SGPP2: variants seen among roughly 807,000 people sequenced by gnomAD.
SGPP2 encodes sphingosine-1-phosphate phosphatase 2.
SGPP2 carries 30 observed loss-of-function variants against 33.9 expected under a neutral mutation model. That is an observed-to-expected ratio of 0.89 (90% CI 0.66 to 1.20). The LOEUF is 1.20. Among genes scored for constraint, SGPP2 ranks in the 50% most tolerant of loss-of-function variants. The pLI, the probability that SGPP2 is intolerant of heterozygous loss-of-function variation, is 0.00. For missense variants in SGPP2, 458 were observed against 532.1 expected, an observed-to-expected ratio of 0.86 and a Z score of 1.37; for synonymous variants, 233 against 225.0, an observed-to-expected ratio of 1.04 and a Z score of -0.32.
intron 1 of SGPP2, among the ~76,000 whole-genome samples, chr2:222,462,522 G>C (rs1253547555): frequency 6.6e-6 from 1 of 152,144 alleles, no homozygotes; most frequent in Non-Finnish European, 1.5e-5. Flanking sequence ...ATCTAGACAG[G>C]TAAAAAGCTA....
chr2:222,520,343 A>G (rs1698664536), intron 2 of SGPP2, among the ~76,000 whole-genome samples: 1 of 151,942 alleles, frequency 6.6e-6, no homozygotes, highest in Admixed American at 6.6e-5. Flanking sequence ...GAACATGTTC[A>G]TGTACATCAA....
chr2:222,493,765 T>G (rs1488333006), intron 2 of SGPP2, among the ~76,000 whole-genome samples: 1 of 152,226 alleles, frequency 6.6e-6, no homozygotes, highest in Non-Finnish European at 1.5e-5. Context: ...TCTTTTTACT[T>G]CATCGTACTG....
intron 1 of SGPP2, among the ~76,000 whole-genome samples, chr2:222,438,825 C>T (rs551261895): frequency 2.0e-5 from 3 of 152,098 alleles, no homozygotes; most frequent in African/African-American, 4.8e-5. Context: ...TCCAGGGATG[C>T]GATATTGGTT....
chr2:222,475,508 T>G (rs566137315), intron 2 of SGPP2, among the ~76,000 whole-genome samples: 1 of 152,284 alleles, frequency 6.6e-6, no homozygotes, highest in African/African-American at 2.4e-5. Context: ...AATCAGAAGC[T>G]GTTGAGCAAT....
chr2:222,555,189 T>C (rs776566438), intron 4 of SGPP2, among the ~76,000 whole-genome samples: 1 of 152,194 alleles, frequency 6.6e-6, no homozygotes, highest in Non-Finnish European at 1.5e-5. Flanking sequence ...GCATCAGTAG[T>C]GTGTTGCTTT....
At position 222,468,014 on chromosome 2, in the gene SGPP2, T is replaced by G. The variant is rs180925507; in HGVS notation, c.220-6554T>G. Among the ~76,000 whole-genome samples, 188 of 103,786 alleles carry G rather than the reference T, an allele frequency of 1.8e-3. 3 individuals carry two copies. The highest frequency in any genetic ancestry group is 6.0e-3 in the Admixed American group (46 of 7,698). 68.1% of individuals were successfully genotyped at this position (103,786 alleles called of 152,430 possible). A position where few individuals can be genotyped will look rare whatever the true frequency, so the allele number is the denominator to read the frequency against. ...CAGAGGAAGTAATACAACCTTGCAA[T>G]GACATTGGTCTACAGTTTATCAAAT... is the stretch of plus-strand genomic sequence containing the variant. On this transcript the variant is annotated intron_variant, in intron 1 of 4. Coordinates refer to ENST00000321276, the MANE Select transcript of SGPP2 (RefSeq NM_152386.4).
chr2:222,469,044 C>T (rs1375332657), intron 1 of SGPP2, among the ~76,000 whole-genome samples: 3 of 152,168 alleles, frequency 2.0e-5, no homozygotes, highest in Admixed American at 2.0e-4. Context: ...ATAAGAGCCT[C>T]TCATGAGGAA....
At chr2:222,492,765 T>C (rs1698217701) in intron 2 of SGPP2, among the ~76,000 whole-genome samples, 1 of 152,254 alleles carries the variant, frequency 6.6e-6, no homozygotes, top group African/African-American at 2.4e-5. Context: ...CAAACTTTTA[T>C]GCTCTGCTTC....
Position 222,465,775 on chromosome 2 carries a change from C to T in SGPP2, c.220-8793C>T, listed in dbSNP as rs1367004935. On this transcript the variant is annotated intron_variant, in intron 1 of 4. Transcript: ENST00000321276. This position sits in a 1 kb window ranked among gnomAD's most constrained non-coding sequence, Gnocchi z 4.1. ...ACGTCTGCTCTTGAGGTCATCTCCT[C>T]TCTGTCTCTTTCACACATATCCCAG... Among the ~76,000 whole-genome samples the T allele has an allele frequency of 2.6e-5, 4 of 152,154 alleles. No individual in the cohort carries two copies. The East Asian group carries it at 5.8e-4, about 22-fold the overall frequency.
intron 2 of SGPP2, among the ~76,000 whole-genome samples, chr2:222,510,353 C>T (rs1174714594): frequency 1.3e-5 from 2 of 152,170 alleles, no homozygotes; most frequent in Non-Finnish European, 2.9e-5. Flanking sequence ...AGGATAGGTA[C>T]GTACTGGTAG....
At chr2:222,441,374 A>G (rs1337542771) in intron 1 of SGPP2, among the ~76,000 whole-genome samples, 1 of 152,270 alleles carries the variant, frequency 6.6e-6, no homozygotes. Context: ...TACAAAGGGA[A>G]AAATTTAATC....
At chr2:222,433,626 C>T (rs1697191798) in intron 1 of SGPP2, among the ~76,000 whole-genome samples, 1 of 152,174 alleles carries the variant, frequency 6.6e-6, no homozygotes, top group Non-Finnish European at 1.5e-5. Flanking sequence ...CTGCCCTTTC[C>T]TGTCACAACA....
chr2:222,553,956 G>A (rs1689343212), intron 4 of SGPP2, among the ~76,000 whole-genome samples: 1 of 152,100 alleles, frequency 6.6e-6, no homozygotes, highest in African/African-American at 2.4e-5. Context: ...CAAACAGAAT[G>A]CCCTCAGAGC....
chr2:222,533,020 A>G (rs1188177948), intron 4 of SGPP2, among the ~76,000 whole-genome samples: 1 of 152,190 alleles, frequency 6.6e-6, no homozygotes, highest in Non-Finnish European at 1.5e-5. Context: ...TCATGGTGAA[A>G]GGCATTCTAT....
At chr2:222,462,874 G>A (rs1428182425) in intron 1 of SGPP2, among the ~76,000 whole-genome samples, 4 of 152,114 alleles carry the variant, frequency 2.6e-5, no homozygotes, top group African/African-American at 4.8e-5. Context: ...CACAAAGCAA[G>A]CAGGGTCGGA....
chr2:222,429,116 G>A (rs569482938), intron 1 of SGPP2, among the ~76,000 whole-genome samples: 10 of 152,148 alleles, frequency 6.6e-5, no homozygotes, highest in Admixed American at 3.9e-4. Flanking sequence ...TACCGCACCC[G>A]GCCAAGAACC....
At position 222,559,357 on chromosome 2, in the gene SGPP2, T is replaced by TG. The variant is rs201040084; in HGVS notation, c.*461dup. 6.5e-3 allele frequency: 1,064 copies of TG among 163,976 alleles called. 6 individuals are homozygous for TG. The highest frequency in any genetic ancestry group is 0.024 in the African/African-American group (1,007 of 41,758). The allele number at this position is 163,976 out of a possible 1,614,324, so 10.2% of individuals were successfully genotyped here. ...TTTTCCGTTACAACCTTGCCTAGCATGGAGTTATTTCTAAAATGGGAACTT... is the reference window on the plus strand; with the variant it reads ...TTTTCCGTTACAACCTTGCCTAGCATGGGAGTTATTTCTAAAATGGGAACTT... On this transcript the variant is annotated 3_prime_UTR_variant, in exon 5 of 5. Coordinates refer to ENST00000321276, the MANE Select transcript of SGPP2 (RefSeq NM_152386.4).
intron 2 of SGPP2, among the ~76,000 whole-genome samples, chr2:222,482,461 A>G (rs1345963426): frequency 2.0e-5 from 3 of 152,128 alleles, no homozygotes; most frequent in African/African-American, 7.2e-5. Context: ...TAGTGGCACA[A>G]TCATAGCTCA....
At position 222,483,567 on chromosome 2, in the gene SGPP2, G is replaced by C. The variant is rs544884972; in HGVS notation, c.378+8841G>C. Among the ~76,000 whole-genome samples the C allele has an allele frequency of 1.3e-4, 20 of 152,320 alleles. No individual in the cohort carries two copies. The East Asian group carries it at 3.7e-3, about 28-fold the overall frequency. On this transcript the variant is annotated intron_variant, in intron 2 of 4. Transcript: ENST00000321276. ...TTAGATAGTGTTTAACTGCTGTAGAGTTTAGGGTATTATTTTATGCAACAG... is the reference window on the plus strand; with the variant it reads ...TTAGATAGTGTTTAACTGCTGTAGACTTTAGGGTATTATTTTATGCAACAG...
Sources: allele counts gnomAD v4.1 joint callset (sites outside exome capture counted in the v4.1 genomes callset), GRCh38; gene constraint gnomAD v4.1.1; non-coding constraint Gnocchi (gnomAD v3.1); transcripts MANE v1.5; gene names NCBI Gene and HGNC (gene_info 2026-07-23, HGNC 2026-07-21).